The following TNIK variants were observed in gnomAD, a reference collection of about 807,000 sequenced individuals.
TNIK encodes TRAF2 and NCK interacting kinase.
A neutral mutation model predicts 191.3 loss-of-function variants in TNIK; 49 were observed. That is an observed-to-expected ratio of 0.26 (90% CI 0.20 to 0.32). The LOEUF (loss-of-function observed/expected upper bound fraction) is 0.32. Among genes scored for constraint, TNIK ranks in the 10% least tolerant of loss-of-function variants. The probability of loss-of-function intolerance (pLI) is 1.00; values close to 1 mark genes in which losing one functional copy is unlikely to be tolerated. For synonymous variants in TNIK, 594 were observed against 600.9 expected (o/e 0.99, Z 0.17); for missense variants, 1,155 against 1,702.3 (o/e 0.68, Z 5.66).
intron 29 of TNIK, 87 bp downstream of exon 29, chr3:171,071,136 G>A: frequency 1.1e-6 from 1 of 879,290 alleles, no homozygotes; most frequent in Non-Finnish European, 1.6e-6. Context: ...ATGAAAATTG[G>A]TATTGGTCTA....
At chr3:171,147,168 G>T (rs940846948) in intron 12 of TNIK, among the ~76,000 whole-genome samples, 1 of 152,162 alleles carries the variant, frequency 6.6e-6, no homozygotes, top group African/African-American at 2.4e-5. Flanking sequence ...TACTGTGACT[G>T]TGGAAGACCC....
In TNIK at chr3:171,270,009, C is replaced by T. The variant is rs148549202; in HGVS notation, c.124-41788G>A. Among the ~76,000 whole-genome samples the T allele has an allele frequency of 2.6e-3, 400 of 152,290 alleles. 1 individual carries two copies. Among genetic ancestry groups the T allele is most frequent in the African/African-American group, 8.6e-3 (357 of 41,564 alleles). On this transcript the variant is annotated intron_variant, in intron 2 of 32. Coordinates refer to ENST00000436636, the MANE Select transcript of TNIK (RefSeq NM_015028.4). Reference sequence around the variant, plus strand: ...TCATACTTACCTATGATTCCTCCATCTCAATAGAAAATAAACTCACACACC... The same window carrying T: ...TCATACTTACCTATGATTCCTCCATTTCAATAGAAAATAAACTCACACACC...
intron 1 of TNIK, among the ~76,000 whole-genome samples, chr3:171,446,189 A>C (rs1402328178): frequency 6.6e-6 from 1 of 152,238 alleles, no homozygotes; most frequent in Non-Finnish European, 1.5e-5. Context: ...GTTTAAGTGC[A>C]TTTGTATCCA....
intron 2 of TNIK, among the ~76,000 whole-genome samples, chr3:171,333,590 A>G (rs1393574479): frequency 7.4e-5 from 11 of 148,966 alleles, no homozygotes; most frequent in African/African-American, 2.8e-4. Flanking sequence ...GAAAGAAAAA[A>G]AAAAAAAAAA....
chr3:171,249,061 A>T (rs1414330350), intron 2 of TNIK, among the ~76,000 whole-genome samples: 6 of 152,258 alleles, frequency 3.9e-5, no homozygotes, highest in African/African-American at 1.4e-4. Flanking sequence ...GTTATTACCC[A>T]TAGTGTAGGA....
chr3:171,400,515 G>C (rs1720792441), intron 1 of TNIK, among the ~76,000 whole-genome samples: 1 of 151,640 alleles, frequency 6.6e-6, no homozygotes, highest in African/African-American at 2.4e-5. Context: ...GCTGCAGTGA[G>C]CCATATTGCA....
intron 4 of TNIK, among the ~76,000 whole-genome samples, chr3:171,197,334 T>C (rs544921447): frequency 1.3e-5 from 2 of 152,148 alleles, no homozygotes; most frequent in South Asian, 2.1e-4. Flanking sequence ...TCCTTGACCT[T>C]AGATTTAGCA....
chr3:171,077,074 C>CG (rs1720055940), intron 28 of TNIK, among the ~76,000 whole-genome samples: 1 of 137,444 alleles, frequency 7.3e-6, no homozygotes, highest in South Asian at 2.7e-4. Context: ...TTCTTGTTCC[C>CG]CCCCCCCTTT....
intron 12 of TNIK, among the ~76,000 whole-genome samples, 196 bp from the exon 13 acceptor site, chr3:171,140,705 C>T (rs1023409789): frequency 1.3e-5 from 2 of 152,130 alleles, no homozygotes; most frequent in South Asian, 2.1e-4. Context: ...TTCAGTGTCA[C>T]GCATAACATA....
rs1396228100 is a variant in TNIK at position 171,060,159 on chromosome 3, G to T, written c.*3722C>A. Among the ~76,000 whole-genome samples, 2 of 152,194 alleles carry T rather than the reference G, an allele frequency of 1.3e-5. No individual in the cohort carries two copies. The highest frequency in any genetic ancestry group is 4.8e-5 in the African/African-American group (2 of 41,452). On this transcript the variant is annotated 3_prime_UTR_variant, in exon 33 of 33. Transcript: ENST00000436636. ...AGCTCTTCCACGTTTCAAGAATACA[G>T]TGACGGGAACTGGTACACATAGTAG...
chr3:171,073,884 A>G (rs1174329033), intron 28 of TNIK, among the ~76,000 whole-genome samples: 1 of 152,088 alleles, frequency 6.6e-6, no homozygotes, highest in Non-Finnish European at 1.5e-5. Context: ...GCTGCAGAGA[A>G]AAGGGAATGC....
chr3:171,113,506 TGAGGCAGGAGAATGGCGTGAATCCAG>T (rs1273839503), intron 18 of TNIK, among the ~76,000 whole-genome samples: 1 of 151,612 alleles, frequency 6.6e-6, no homozygotes, highest in Non-Finnish European at 1.5e-5. Context: ...GTTGAGAGGC[TGAGGCAGGAGAATGGCGTGAATCCAG>T]GAGGCAGAGC....
chr3:171,141,717 A>G (rs1001856379), intron 12 of TNIK, among the ~76,000 whole-genome samples: 1 of 152,222 alleles, frequency 6.6e-6, no homozygotes, highest in Non-Finnish European at 1.5e-5. Context: ...ACATCATGGC[A>G]TTAGTGCACC....
At chr3:171,289,730 C>T (rs552980944) in intron 2 of TNIK, among the ~76,000 whole-genome samples, 5 of 151,964 alleles carry the variant, frequency 3.3e-5, no homozygotes, top group Non-Finnish European at 4.4e-5. Flanking sequence ...GGCAAAACCC[C>T]GTCTCTACTA....
At chr3:171,072,342 G>A (rs1313416043) in intron 28 of TNIK, among the ~76,000 whole-genome samples, 1 of 152,058 alleles carries the variant, frequency 6.6e-6, no homozygotes, top group Non-Finnish European at 1.5e-5. Context: ...AACTTTTCAT[G>A]ACATAAAGTG....
chr3:171,094,036 C>T, intron 22 of TNIK, 68 bp from the exon 23 acceptor site: 2 of 1,544,400 alleles, frequency 1.3e-6, no homozygotes, highest in Non-Finnish European at 1.7e-6. Context: ...TGTCCATATT[C>T]ATTATTTTTG....
At chr3:171,133,498 C>T (rs568803700) in intron 15 of TNIK, among the ~76,000 whole-genome samples, 45 of 152,166 alleles carry the variant, frequency 3.0e-4, no homozygotes, top group Non-Finnish European at 4.9e-4. Flanking sequence ...TTAAATGGCA[C>T]GTGCATATTC....
chr3:171,064,147 A>G lies in TNIK; in HGVS notation c.4000-183T>C, dbSNP rs1718128862. 6 of 574,596 alleles carry G rather than the reference A, an allele frequency of 1.0e-5. No individual in the cohort carries two copies. The South Asian group carries it at 1.3e-4, about 13-fold the overall frequency. 35.6% of individuals were successfully genotyped at this position (574,596 alleles called of 1,614,324 possible). A position where few individuals can be genotyped will look rare whatever the true frequency, so the allele number is the denominator to read the frequency against. ...ATCCTATGTAAAAACTCCTGCCTTTATTCCTAGGTTGTTATTATTCCTTAT... is the reference window on the plus strand; with the variant it reads ...ATCCTATGTAAAAACTCCTGCCTTTGTTCCTAGGTTGTTATTATTCCTTAT... On this transcript the variant is annotated intron_variant, in intron 32 of 32. Coordinates refer to ENST00000436636, the MANE Select transcript of TNIK (RefSeq NM_015028.4).
intron 2 of TNIK, among the ~76,000 whole-genome samples, chr3:171,235,083 C>T (rs1744099063): frequency 6.6e-6 from 1 of 151,812 alleles, no homozygotes. Flanking sequence ...ACTCTGTTGC[C>T]CAGGCTGGAG....
Sources: gnomAD v4.1 joint callset for allele counts (sites outside exome capture counted in the v4.1 genomes callset) on GRCh38, gnomAD v4.1.1 for gene constraint, MANE v1.5 for transcripts, NCBI Gene and HGNC (gene_info 2026-07-23, HGNC 2026-07-21) for gene names.